The following PCDH11X variants were observed in gnomAD, a reference collection of about 807,000 sequenced individuals.
PCDH11X encodes the protein protocadherin 11 X-linked.
Under a neutral mutation model 53.3 loss-of-function variants are expected in PCDH11X, and 18 were observed. The ratio of observed to expected loss-of-function variants is 0.34; its 90% confidence interval spans 0.23 to 0.50. PCDH11X has a LOEUF of 0.50. Ranked by LOEUF, PCDH11X falls within the 20% of genes least tolerant of loss-of-function variation. The pLI, the probability that PCDH11X is intolerant of heterozygous loss-of-function variation, is 0.98. For synonymous variants in PCDH11X, 279 were observed against 393.3 expected, an observed-to-expected ratio of 0.71 and a Z score of 3.44; for missense variants, 570 against 1,032.4, an observed-to-expected ratio of 0.55 and a Z score of 6.14.
chrX:92,266,327 C>T (rs192732210), intron 8 of PCDH11X, among the ~76,000 whole-genome samples: 104 of 111,432 alleles, frequency 9.3e-4, no homozygotes, highest in Non-Finnish European at 1.6e-3. Flanking sequence ...ATAAGGTTCT[C>T]GCATTTGTAA....
intron 9 of PCDH11X, among the ~76,000 whole-genome samples, chrX:92,431,454 A>G (rs1452824687): frequency 9.0e-6 from 1 of 110,704 alleles, no homozygotes. Flanking sequence ...TTTGTTTTTG[A>G]CAAGTTTACT....
At chrX:92,390,869 T>C (rs1274919619) in intron 9 of PCDH11X, among the ~76,000 whole-genome samples, 1 of 101,943 alleles carries the variant, frequency 9.8e-6, no homozygotes, top group Non-Finnish European at 2.0e-5. Context: ...CCCTGGTTGA[T>C]AAAAATCTGC....
At chrX:92,368,265 G>A (rs761953187) in intron 8 of PCDH11X, among the ~76,000 whole-genome samples, 53 of 110,482 alleles carry the variant, frequency 4.8e-4, no homozygotes, top group Non-Finnish European at 6.8e-4. Flanking sequence ...TCAGATATCC[G>A]TTCTTCCACT....
rs141830845 is a variant in PCDH11X at position 92,497,974 on chromosome X, C to A, written c.3367+29652C>A. Among the ~76,000 whole-genome samples, 379 of 111,632 alleles carry A rather than the reference C, an allele frequency of 3.4e-3. 2 individuals are homozygous for A. Among genetic ancestry groups the A allele is most frequent in the African/African-American group, 0.012 (365 of 30,846 alleles). On this transcript the variant is annotated intron_variant, in intron 10 of 10. Transcript: ENST00000682573. ...ATAATATCTGCCTGATGACAAAATG[C>A]CTGCTTAATTTGTTGAGAGAAAAGT...
chrX:92,067,458 A>T (rs761340107), intron 6 of PCDH11X, among the ~76,000 whole-genome samples: 2 of 111,817 alleles, frequency 1.8e-5, no homozygotes, highest in African/African-American at 6.5e-5. Flanking sequence ...ATGACACATC[A>T]CATTGATTTG....
intron 8 of PCDH11X, among the ~76,000 whole-genome samples, chrX:92,280,783 A>AT (rs1283486107): frequency 2.7e-4 from 30 of 109,295 alleles, no homozygotes; most frequent in African/African-American, 5.6e-4. Flanking sequence ...AATCAAATAT[A>AT]TTTTTTTTAA....
intron 8 of PCDH11X, among the ~76,000 whole-genome samples, chrX:92,353,896 T>A (rs1019626204): frequency 1.3e-4 from 14 of 106,789 alleles, no homozygotes; most frequent in African/African-American, 4.8e-4. Flanking sequence ...GTTTAGTTAC[T>A]GCAAGCATCA....
chrX:92,461,444 A>T (rs1401494961), intron 9 of PCDH11X, among the ~76,000 whole-genome samples: 1 of 111,752 alleles, frequency 8.9e-6, no homozygotes, highest in Non-Finnish European at 1.9e-5. Context: ...GGCGCCAGGA[A>T]TATAAACTGA....
chrX:92,287,638 C>T (rs1436477207), intron 8 of PCDH11X, among the ~76,000 whole-genome samples: 1 of 111,952 alleles, frequency 8.9e-6, no homozygotes, highest in Non-Finnish European at 1.9e-5. Context: ...GAATTTTCTT[C>T]CTTTTCTTTT....
At chrX:92,422,630 A>AT (rs1310201489) in intron 9 of PCDH11X, among the ~76,000 whole-genome samples, 1 of 110,898 alleles carries the variant, frequency 9.0e-6, no homozygotes, top group Admixed American at 9.6e-5. Context: ...GTGTGCAAGT[A>AT]TTTTTTTCGT....
At chrX:91,825,531 A>G (rs944044333) in intron 4 of PCDH11X, among the ~76,000 whole-genome samples, 2 of 111,809 alleles carry the variant, frequency 1.8e-5, no homozygotes, top group Admixed American at 9.4e-5. Context: ...GCCCTGCTTC[A>G]GCTCGCGCAC....
chrX:91,895,456 G>A (rs1176195317), intron 6 of PCDH11X, among the ~76,000 whole-genome samples: 2 of 110,436 alleles, frequency 1.8e-5, no homozygotes, highest in Non-Finnish European at 3.8e-5. Flanking sequence ...CAAAACTATG[G>A]ATTCTCTCGG....
chrX:92,132,657 GTATATATATATGTATATGTATATATA>G (rs1569376689), intron 6 of PCDH11X, among the ~76,000 whole-genome samples: 1 of 54,390 alleles, frequency 1.8e-5, no homozygotes, highest in Non-Finnish European at 3.3e-5. Context: ...ATATATATAT[GTATATATATATGTATATGTATATATA>G]TATGTATATA....
At chrX:92,588,648 C>T (rs1400069394) in intron 10 of PCDH11X, among the ~76,000 whole-genome samples, 2 of 109,108 alleles carry the variant, frequency 1.8e-5, no homozygotes, top group Admixed American at 1.0e-4. Context: ...CAATAAAACA[C>T]GCCTACAGGA....
chrX:92,286,154 G>A (rs993624627), intron 8 of PCDH11X, among the ~76,000 whole-genome samples: 4 of 108,495 alleles, frequency 3.7e-5, no homozygotes, highest in African/African-American at 1.3e-4. Flanking sequence ...GCCAGTTTTG[G>A]GGCCAGTTTA....
At chrX:92,596,197 G>A (rs1462604794) in intron 10 of PCDH11X, among the ~76,000 whole-genome samples, 1 of 112,210 alleles carries the variant, frequency 8.9e-6, no homozygotes, top group Non-Finnish European at 1.9e-5. Context: ...TAATGTTTTT[G>A]TCATACACCA....
At chrX:92,070,160 G>A (rs1317260696) in intron 6 of PCDH11X, among the ~76,000 whole-genome samples, 1 of 111,485 alleles carries the variant, frequency 9.0e-6, no homozygotes, top group Non-Finnish European at 1.9e-5. Flanking sequence ...ATTTTTGATT[G>A]GTTCATAATT....
intron 6 of PCDH11X, among the ~76,000 whole-genome samples, chrX:92,193,270 G>T (rs2066231573): frequency 9.0e-6 from 1 of 111,499 alleles, no homozygotes; most frequent in Non-Finnish European, 1.9e-5. Context: ...TTAACCCTAG[G>T]GTGGGGTGTA....
At chrX:92,350,968 C>T (rs933627297) in intron 8 of PCDH11X, among the ~76,000 whole-genome samples, 3 of 111,762 alleles carry the variant, frequency 2.7e-5, no homozygotes, top group Non-Finnish European at 5.6e-5. Context: ...TGGCATCTTC[C>T]TCTAGGATTT....
Sources: gnomAD v4.1 joint callset for allele counts (sites outside exome capture counted in the v4.1 genomes callset) on GRCh38, gnomAD v4.1.1 for gene constraint, MANE v1.5 for transcripts, NCBI Gene and HGNC (gene_info 2026-07-23, HGNC 2026-07-21) for gene names.